The following ZNF516 variants were observed in gnomAD, a reference collection of about 807,000 sequenced individuals.
ZNF516 encodes the protein zinc finger protein 516.
In ZNF516, 19 loss-of-function variants were observed where a neutral mutation model predicts 79.7. The observed-to-expected ratio is 0.24, with a 90% CI of 0.17 to 0.35. The LOEUF (loss-of-function observed/expected upper bound fraction) is 0.35. ZNF516 is among the 10% of genes least tolerant of loss of function. ZNF516 has a pLI of 1.00. For missense variants in ZNF516, 1,678 were observed against 1,679.5 expected, an observed-to-expected ratio of 1.00 and a Z score of 0.02; for synonymous variants, 877 against 739.5, an observed-to-expected ratio of 1.19 and a Z score of -3.02.
intron 3 of ZNF516, among the ~76,000 whole-genome samples, chr18:76,402,865 C>G (rs1385089455): frequency 6.6e-6 from 1 of 152,248 alleles, no homozygotes; most frequent in Non-Finnish European, 1.5e-5. Flanking sequence ...CTGATGCCCT[C>G]CGTGTTCCCA....
intron 3 of ZNF516, among the ~76,000 whole-genome samples, chr18:76,440,761 T>TGTGCGCGC (rs571461431): frequency 2.7e-5 from 4 of 150,246 alleles, no homozygotes; most frequent in African/African-American, 9.8e-5. Flanking sequence ...TGTGTGTGTG[T>TGTGCGCGC]GCGCGCACGC....
At chr18:76,415,744 A>C (rs2075425345) in intron 3 of ZNF516, among the ~76,000 whole-genome samples, 1 of 152,174 alleles carries the variant, frequency 6.6e-6, no homozygotes, top group Non-Finnish European at 1.5e-5. Context: ...CTGCATAGAG[A>C]AACCGGCTCA....
chr18:76,371,320 CG>C, intron 5 of ZNF516, 146 bp downstream of exon 5: 1 of 747,846 alleles, frequency 1.3e-6, no homozygotes, highest in East Asian at 2.7e-5. Flanking sequence ...GGCCTGTATA[CG>C]ATCCCGGAGG....
intron 3 of ZNF516, among the ~76,000 whole-genome samples, chr18:76,385,455 A>C (rs989482591): frequency 6.6e-6 from 1 of 152,246 alleles, no homozygotes; most frequent in African/African-American, 2.4e-5. Context: ...CCTTTCACTT[A>C]AAATATTTTT....
chr18:76,480,698 T>A (rs1019282503), intron 1 of ZNF516, among the ~76,000 whole-genome samples: 1 of 152,046 alleles, frequency 6.6e-6, no homozygotes, highest in Non-Finnish European at 1.5e-5. Flanking sequence ...AATTTTGTAT[T>A]TTTAGTAGAG....
chr18:76,475,866 T>C (rs62110935), intron 1 of ZNF516, among the ~76,000 whole-genome samples: 23,924 of 152,234 alleles, frequency 0.16, 2,098 homozygotes, highest in Middle Eastern at 0.24. Context: ...CTTTAAAATG[T>C]ATATATTTAA....
chr18:76,402,925 T>C (rs2075251067), intron 3 of ZNF516, among the ~76,000 whole-genome samples: 2 of 152,200 alleles, frequency 1.3e-5, no homozygotes, highest in Admixed American at 1.3e-4. Flanking sequence ...ATCCACTGGT[T>C]GTGCCACAGA....
chr18:76,472,417 C>T (rs1053577398), intron 1 of ZNF516, among the ~76,000 whole-genome samples: 1 of 152,152 alleles, frequency 6.6e-6, no homozygotes, highest in African/African-American at 2.4e-5. Flanking sequence ...AAACGTGCAC[C>T]TATACACAGG....
intron 3 of ZNF516, among the ~76,000 whole-genome samples, chr18:76,427,941 G>T (rs1157096271): frequency 1.3e-5 from 2 of 152,132 alleles, no homozygotes; most frequent in Non-Finnish European, 2.9e-5. Context: ...GGCAATTTTA[G>T]AAAATTTATA....
chr18:76,483,364 C>T (rs527940737), intron 1 of ZNF516, among the ~76,000 whole-genome samples: 263 of 152,174 alleles, frequency 1.7e-3, no homozygotes, highest in Non-Finnish European at 3.0e-3. Context: ...GCCATCTTGT[C>T]CCCTGGCACC....
intron 3 of ZNF516, among the ~76,000 whole-genome samples, chr18:76,432,212 G>A (rs903771049): frequency 5.3e-5 from 8 of 152,216 alleles, no homozygotes; most frequent in South Asian, 2.1e-4. Context: ...GCCCTCCTCC[G>A]CAGCCTCTGC....
chr18:76,371,595 T>C lies in ZNF516; in HGVS notation c.3260-24A>G, dbSNP rs746491121. The C allele has an allele frequency of 1.3e-5, 21 of 1,596,424 alleles. No individual in the cohort carries two copies. In the African/African-American group the frequency reaches 2.8e-4, roughly 21 times the overall value. ...CCCTGCGGTGGCGAGGTGGTGGTGG[T>C]GGCAGGGCCGTGGTGGGGTTGGCGT... On this transcript the variant is annotated intron_variant, in intron 4 of 6. Transcript: ENST00000443185.
intron 3 of ZNF516, among the ~76,000 whole-genome samples, chr18:76,440,761 T>TGTGTGTGTGCGC (rs571461431): frequency 0.011 from 1,714 of 150,176 alleles, 33 homozygotes; most frequent in African/African-American, 0.04. Context: ...TGTGTGTGTG[T>TGTGTGTGTGCGC]GCGCGCACGC....
intron 1 of ZNF516, among the ~76,000 whole-genome samples, chr18:76,477,890 CTCTT>C (rs1599151690): frequency 2.0e-5 from 3 of 152,104 alleles, no homozygotes; most frequent in African/African-American, 7.2e-5. Context: ...AGTTACTTCA[CTCTT>C]CCTTCTGAGA....
rs2075516115 is a variant in ZNF516, at chr18:76,422,095, G to GT, written c.1810+19149dup. ...TAAATCCCAGAAAAATTCAGCCAGG[G>GT]TATCTATGCTAGTATCACCCAATTG... On this transcript the variant is annotated intron_variant, in intron 3 of 6. Coordinates refer to ENST00000443185, the MANE Select transcript of ZNF516 (RefSeq NM_014643.4). Among the ~76,000 whole-genome samples, 4 of 152,336 alleles carry GT rather than the reference G, an allele frequency of 2.6e-5. No homozygotes were observed. In the South Asian group the frequency reaches 8.3e-4, roughly 32 times the overall value.
At chr18:76,476,554 T>C (rs1437602239) in intron 1 of ZNF516, among the ~76,000 whole-genome samples, 2 of 152,202 alleles carry the variant, frequency 1.3e-5, no homozygotes, top group South Asian at 2.1e-4. Flanking sequence ...CATTTAAAAG[T>C]AGGACACAGT....
At chr18:76,377,294 T>C (rs2074803024) in intron 4 of ZNF516, among the ~76,000 whole-genome samples, 1 of 152,260 alleles carries the variant, frequency 6.6e-6, no homozygotes, top group African/African-American at 2.4e-5. Flanking sequence ...GACCCTCGGG[T>C]GTCCGGGCCT....
At chr18:76,403,850 C>A (rs1185569431) in intron 3 of ZNF516, among the ~76,000 whole-genome samples, 1 of 152,158 alleles carries the variant, frequency 6.6e-6, no homozygotes, top group East Asian at 1.9e-4. Flanking sequence ...ATGCAGCTGC[C>A]AGTAATGAAA....
At chr18:76,384,412 C>T (rs1428659157) in intron 3 of ZNF516, among the ~76,000 whole-genome samples, 1 of 128,732 alleles carries the variant, frequency 7.8e-6, no homozygotes, top group African/African-American at 3.0e-5. Context: ...CTCCTTAGCC[C>T]CCACCACTCC....
Sources: gnomAD v4.1 joint callset for allele counts (sites outside exome capture counted in the v4.1 genomes callset) on GRCh38, gnomAD v4.1.1 for gene constraint, MANE v1.5 for transcripts, NCBI Gene and HGNC (gene_info 2026-07-23, HGNC 2026-07-21) for gene names.